Variants in RUBCN observed in about 807,000 individuals in gnomAD.
RUBCN encodes run domain Beclin-1-interacting and cysteine-rich domain-containing protein.
RUBCN carries 74 observed loss-of-function variants against 113.2 expected under a neutral mutation model. That is an observed-to-expected ratio of 0.65 (90% CI 0.54 to 0.79). RUBCN has a LOEUF of 0.79. RUBCN is among the 30% of genes least tolerant of loss of function. The pLI, the probability that RUBCN is intolerant of heterozygous loss-of-function variation, is 0.00. For synonymous variants in RUBCN, 480 were observed against 490.0 expected (o/e 0.98, Z 0.27); for missense variants, 1,109 against 1,251.7 (o/e 0.89, Z 1.72).
At chr3:197,716,181 G>A (rs997818163) in intron 2 of RUBCN, among the ~76,000 whole-genome samples, 3 of 152,144 alleles carry the variant, frequency 2.0e-5, no homozygotes, top group South Asian at 4.1e-4. Context: ...AGGCTGGAGC[G>A]CGGTGGCACG....
chr3:197,718,281 T>A, intron 1 of RUBCN, 151 bp from the exon 2 acceptor site: 1 of 819,592 alleles, frequency 1.2e-6, no homozygotes, highest in Non-Finnish European at 2.0e-6. Context: ...AACTCAACTC[T>A]GAGAGAATTA....
chr3:197,695,951 C>CCTT lies in RUBCN; in HGVS notation c.1385_1387dup (p.Glu462dup). On this transcript the variant is annotated inframe_insertion, in exon 9 of 20. Transcript: ENST00000296343. The stretch of plus-strand genomic sequence containing the variant: ...TCCTTCTGATGGTCTTCGGAACATG[C>CCTT]CTTCCCCTGAGCACAGGTACCGACC... The CCTT allele has an allele frequency of 6.2e-7, 1 of 1,614,112 alleles. No homozygotes were observed. Among genetic ancestry groups the CCTT allele is most frequent in the Non-Finnish European group, 8.5e-7 (1 of 1,180,020 alleles).
chr3:197,688,996 C>T (rs1722142382), intron 11 of RUBCN, among the ~76,000 whole-genome samples: 1 of 151,192 alleles, frequency 6.6e-6, no homozygotes, highest in Non-Finnish European at 1.5e-5. Context: ...TACCAAAAAT[C>T]GTTGAGTTGT....
At chr3:197,736,972 C>G (rs1232400200), upstream of RUBCN, 2 of 1,279,306 alleles carry the variant, frequency 1.6e-6, no homozygotes, top group African/African-American at 3.1e-5. Context: ...TCCCGCAGGA[C>G]GCGTCCTCCA....
chr3:197,745,779 G>A (rs922526521), intron 1 of RUBCN, among the ~76,000 whole-genome samples: 5 of 152,124 alleles, frequency 3.3e-5, no homozygotes, highest in Non-Finnish European at 7.4e-5. Context: ...GCTCACACCT[G>A]TAATGCCAGC....
intron 1 of RUBCN, among the ~76,000 whole-genome samples, chr3:197,746,996 T>C (rs1285189892): frequency 6.6e-6 from 1 of 152,034 alleles, no homozygotes; most frequent in Non-Finnish European, 1.5e-5. Flanking sequence ...ATTAAATGAA[T>C]AGCTACCTCT....
At position 197,743,812 on chromosome 3, in the gene RUBCN, C is replaced by T. The variant is rs139446277; in HGVS notation, c.-116+5457G>A. Among the ~76,000 whole-genome samples the T allele has an allele frequency of 2.9e-3, 439 of 152,062 alleles. 2 individuals carry two copies. Among genetic ancestry groups the T allele is most frequent in the Admixed American group, 5.1e-3 (78 of 15,256 alleles). On this transcript the variant is annotated intron_variant, in intron 1 of 20. Transcript: ENST00000273582. ...CAGCCTGACCAACATGGTGAAACCC[C>T]GTCTCTACTAAAAATACAAAAATTA...
Position 197,693,700 on chromosome 3 carries a change from A to G in RUBCN, c.1786+15T>C. 1 of 1,542,800 alleles carries G rather than the reference A, an allele frequency of 6.5e-7. No individual in the cohort carries two copies. The highest frequency in any genetic ancestry group is 9.0e-7 in the Non-Finnish European group (1 of 1,114,956). On this transcript the variant is annotated intron_variant, in intron 11 of 19. Coordinates refer to ENST00000296343, the MANE Select transcript of RUBCN (RefSeq NM_014687.4). ...CAGAATAAAAGTTCCCTTGTAACAAAGTGTCACTTCTTACCTTGGATTTCA... is the reference window on the plus strand; with the variant it reads ...CAGAATAAAAGTTCCCTTGTAACAAGGTGTCACTTCTTACCTTGGATTTCA...
chr3:197,712,611 T>C (rs1468465145), intron 2 of RUBCN, among the ~76,000 whole-genome samples: 1 of 152,210 alleles, frequency 6.6e-6, no homozygotes, highest in South Asian at 2.1e-4. Flanking sequence ...CACGGATCTT[T>C]TGATTCTTCC....
chr3:197,700,239 G>A (rs1560432684), intron 7 of RUBCN, among the ~76,000 whole-genome samples: 1 of 152,156 alleles, frequency 6.6e-6, no homozygotes, highest in Non-Finnish European at 1.5e-5. Context: ...TACACCCTGG[G>A]CAAACTTCTA....
intron 1 of RUBCN, among the ~76,000 whole-genome samples, chr3:197,720,290 T>C (rs1236214470): frequency 2.0e-5 from 3 of 152,236 alleles, no homozygotes; most frequent in Admixed American, 6.5e-5. Context: ...GCCTGGCTTA[T>C]TGCCCTTAAG....
chr3:197,695,753 ACTTAT>A, intron 9 of RUBCN, 108 bp downstream of exon 9: 3 of 946,814 alleles, frequency 3.2e-6, no homozygotes, highest in East Asian at 2.4e-5. Context: ...TTTACCGTGA[ACTTAT>A]CTTTACTGTA....
At position 197,700,897 on chromosome 3, in the gene RUBCN, G is replaced by A. The variant is rs753391365; in HGVS notation, c.977C>T (p.Ala326Val). ...GCCTCGGGGGTCCAAGTTGCCAATG[G>A]CCAGGTACTCAGGCCCCTCACTGGC... is the stretch of plus-strand genomic sequence containing the variant. ...GDASEGPEYL[A>V]IGNLDPRGRT... Residue 326 changes from alanine to valine, a missense_variant, in exon 7 of 20, where the codon GCC becomes GTC. Ala to Val is a moderately conservative substitution (Grantham distance 64). Coordinates refer to ENST00000296343, the MANE Select transcript of RUBCN (RefSeq NM_014687.4). The A allele has an allele frequency of 8.7e-6, 14 of 1,614,038 alleles. No individual in the cohort carries two copies. Among genetic ancestry groups the A allele is most frequent in the South Asian group, 6.6e-5 (6 of 91,082 alleles).
chr3:197,707,571 T>A (rs1335783613), intron 2 of RUBCN, among the ~76,000 whole-genome samples: 4 of 152,108 alleles, frequency 2.6e-5, no homozygotes, highest in African/African-American at 9.7e-5. Flanking sequence ...TCCACCTGTA[T>A]TGAAGAGTTA....
At chr3:197,736,952 G>C (rs1036285471), upstream of RUBCN, 8 of 1,308,944 alleles carry the variant, frequency 6.1e-6, no homozygotes, top group Non-Finnish European at 2.9e-6. Context: ...GCACTCCGAG[G>C]CTAGGCCGCT....
At chr3:197,686,869 C>A (rs1338224991) in intron 11 of RUBCN, among the ~76,000 whole-genome samples, 1 of 152,120 alleles carries the variant, frequency 6.6e-6, no homozygotes, top group Non-Finnish European at 1.5e-5. Flanking sequence ...CAGTTTTTGC[C>A]ATTACTTTTG....
rs1256301732 is a variant in RUBCN, at chr3:197,671,588, G to A, written c.*3430C>T. The stretch of plus-strand genomic sequence containing the variant: ...TTTTGGAAATACGGAATTTATGCTG[G>A]TTTTAGACACACTGGTTGGAGATGA... On this transcript the variant is annotated 3_prime_UTR_variant, in exon 20 of 20. Coordinates refer to ENST00000296343, the MANE Select transcript of RUBCN (RefSeq NM_014687.4). The A allele has an allele frequency of 1.3e-5, 2 of 152,188 alleles. No individual in the cohort carries two copies. Among genetic ancestry groups the A allele is most frequent in the East Asian group, 1.9e-4 (1 of 5,204 alleles). 9.4% of individuals were successfully genotyped at this position (152,188 alleles called of 1,614,324 possible). A position where few individuals can be genotyped will look rare whatever the true frequency, so the allele number is the denominator to read the frequency against.
At chr3:197,726,845 A>G (rs1053035647) in intron 1 of RUBCN, among the ~76,000 whole-genome samples, 2 of 151,914 alleles carry the variant, frequency 1.3e-5, no homozygotes, top group African/African-American at 2.4e-5. Context: ...AAGCAGGAAG[A>G]AAATGTCACC....
At position 197,681,985 on chromosome 3, in the gene RUBCN, G is replaced by T; in HGVS notation, c.2127-86C>A. The T allele has an allele frequency of 3.0e-6, 3 of 1,011,334 alleles. No individual in the cohort carries two copies. Among genetic ancestry groups the T allele is most frequent in the Non-Finnish European group, 3.1e-6 (2 of 636,948 alleles). The allele number at this position is 1,011,334 out of a possible 1,614,324, so 62.6% of individuals were successfully genotyped here. ...GAAGGAGTGAGCACACATACATACAGCTCCAGTTAAGTATGGGAAGAGAGG... is the reference window on the plus strand; with the variant it reads ...GAAGGAGTGAGCACACATACATACATCTCCAGTTAAGTATGGGAAGAGAGG... On this transcript the variant is annotated intron_variant, in intron 14 of 19. Coordinates refer to ENST00000296343, the MANE Select transcript of RUBCN (RefSeq NM_014687.4). This position sits in a 1 kb window ranked among gnomAD's most constrained non-coding sequence, Gnocchi z 5.5.
Sources: gnomAD v4.1 joint callset for allele counts (sites outside exome capture counted in the v4.1 genomes callset) on GRCh38, gnomAD v4.1.1 for gene constraint, Gnocchi (gnomAD v3.1) non-coding constraint, MANE v1.5 for transcripts, NCBI Gene and HGNC (gene_info 2026-07-23, HGNC 2026-07-21) for gene names.